Variants in PHF21A observed in about 807,000 individuals in gnomAD.
PHF21A encodes the protein PHD finger protein 21A, also known as BHC80a.
In PHF21A, 11 loss-of-function variants were observed where a neutral mutation model predicts 82.5. The ratio of observed to expected loss-of-function variants is 0.13; its 90% CI spans 0.08 to 0.22. PHF21A has a LOEUF of 0.22. PHF21A is among the 10% of genes least tolerant of loss of function. The pLI, the probability that PHF21A is intolerant of heterozygous loss-of-function variation, is 1.00. For missense variants in PHF21A, 579 were observed against 837.8 expected, an observed-to-expected ratio of 0.69 and a Z score of 3.81; for synonymous variants, 297 against 302.8, an observed-to-expected ratio of 0.98 and a Z score of 0.20.
At chr11:46,053,129 T>G (rs569727040) in intron 6 of PHF21A, among the ~76,000 whole-genome samples, 8 of 152,322 alleles carry the variant, frequency 5.3e-5, no homozygotes, top group Admixed American at 2.0e-4. Flanking sequence ...AAATTTGTAA[T>G]TAAATGTAAT....
intron 6 of PHF21A, among the ~76,000 whole-genome samples, chr11:46,000,240 T>A (rs1471040930): frequency 6.6e-6 from 1 of 152,170 alleles, no homozygotes; most frequent in Non-Finnish European, 1.5e-5. Flanking sequence ...GCAAACAAAT[T>A]ATTCACTTCT....
At chr11:46,079,244 T>TC in intron 4 of PHF21A, 78 bp from the exon 5 acceptor site, 1 of 1,009,324 alleles carries the variant, frequency 9.9e-7, no homozygotes, top group Non-Finnish European at 1.5e-6. Context: ...GACCAAAAAA[T>TC]CTAGGATTTT....
chr11:46,087,548 TTTTTC>T (rs3061961), intron 3 of PHF21A, among the ~76,000 whole-genome samples: 9,473 of 152,254 alleles, frequency 0.062, 1,373 homozygotes, highest in East Asian at 0.57. Flanking sequence ...TTTGAAATTC[TTTTTC>T]TTTTCTTCAG....
intron 6 of PHF21A, among the ~76,000 whole-genome samples, chr11:46,061,382 C>A (rs1164477495): frequency 1.3e-5 from 2 of 152,172 alleles, no homozygotes; most frequent in African/African-American, 4.8e-5. Flanking sequence ...AGCATTGAAT[C>A]TGTAAATTGC....
chr11:46,084,305 G>A lies in PHF21A; in HGVS notation c.-83-3C>T, dbSNP rs1009504556. On this transcript the variant is annotated splice_region_variant and splice_polypyrimidine_tract_variant and intron_variant, in intron 3 of 18. Coordinates refer to ENST00000676320, the MANE Select transcript of PHF21A (RefSeq NM_001352027.3). The stretch of plus-strand genomic sequence containing the variant: ...ACAAACTCCTCTTCTCACTGCAGCT[G>A]TAAAGATCATAAAATGTTTTGGATC... 4.5e-6 allele frequency: 4 copies of A among 891,874 alleles called. No individual in the cohort carries two copies. In the African/African-American group the frequency reaches 5.3e-5, roughly 12 times the overall value. 55.2% of individuals were successfully genotyped at this position (891,874 alleles called of 1,614,324 possible). A position where few individuals can be genotyped will look rare whatever the true frequency, so the allele number is the denominator to read the frequency against.
At chr11:45,990,023 G>C (rs957470508) in intron 6 of PHF21A, among the ~76,000 whole-genome samples, 1 of 151,928 alleles carries the variant, frequency 6.6e-6, no homozygotes, top group Non-Finnish European at 1.5e-5. Context: ...AAAAGAAAGA[G>C]AATTTTTTAA....
At chr11:46,027,749 G>C (rs1452846222) in intron 6 of PHF21A, among the ~76,000 whole-genome samples, 3 of 152,200 alleles carry the variant, frequency 2.0e-5, no homozygotes, top group Non-Finnish European at 4.4e-5. Flanking sequence ...CCAGGAATCA[G>C]TATTCAGGGG....
chr11:45,983,383 T>C (rs923410213), intron 6 of PHF21A, among the ~76,000 whole-genome samples: 1 of 152,106 alleles, frequency 6.6e-6, no homozygotes, highest in Admixed American at 6.5e-5. Flanking sequence ...CTTTAAAAGA[T>C]AGCGTTGGTA....
chr11:45,935,711 A>T lies in PHF21A; in HGVS notation c.1713T>A (p.Leu571=). Residue 571 remains leucine (L), a synonymous_variant, in exon 18 of 19, where the codon CTT becomes CTA. Coordinates refer to ENST00000676320, the MANE Select transcript of PHF21A (RefSeq NM_001352027.3). ...CTTGTTTTAAATCTGAACTCCATTT[A>T]AGTAACTTCTGTTTCTCTTCTTCTT... The part of the protein sequence containing the change: ...AAKEEEKQKL[L]KWSSDLKQER... 7.6e-7 allele frequency: 1 copy of T among 1,317,512 alleles called. No homozygotes were observed. The highest frequency in any genetic ancestry group is 1.1e-6 in the Non-Finnish European group (1 of 929,366). 81.6% of individuals were successfully genotyped at this position (1,317,512 alleles called of 1,614,324 possible).
chr11:46,016,630 A>G (rs1289860427), intron 6 of PHF21A, among the ~76,000 whole-genome samples: 1 of 152,114 alleles, frequency 6.6e-6, no homozygotes, highest in Admixed American at 6.5e-5. Flanking sequence ...CAACTTTAAA[A>G]TGGCACATGA....
At position 45,971,890 on chromosome 11, in the gene PHF21A, C is replaced by CTTTCTTTTTTTTT. The variant is rs57081937; in HGVS notation, c.361-524_361-523insAAAAAAAAAGAAA. 3.4e-4 allele frequency among the ~76,000 whole-genome samples: 17 copies of CTTTCTTTTTTTTT among 50,294 alleles called. 3 individuals are homozygous for CTTTCTTTTTTTTT. Among genetic ancestry groups the CTTTCTTTTTTTTT allele is most frequent in the African/African-American group, 6.3e-4 (10 of 15,890 alleles). 33.0% of individuals were successfully genotyped at this position (50,294 alleles called of 152,430 possible). Reference sequence around the variant, plus strand: ...GTAAAAGGACAGTGTCTTTTTCTTTCTTTTTTTTTTTTTTTATGGTGTCAC... The same window carrying CTTTCTTTTTTTTT: ...GTAAAAGGACAGTGTCTTTTTCTTTCTTTCTTTTTTTTTTTTTTTTTTTTTTTTATGGTGTCAC... On this transcript the variant is annotated intron_variant, in intron 7 of 18. Coordinates refer to ENST00000676320, the MANE Select transcript of PHF21A (RefSeq NM_001352027.3).
At chr11:46,077,811 T>C (rs1033017713) in intron 5 of PHF21A, among the ~76,000 whole-genome samples, 6 of 152,244 alleles carry the variant, frequency 3.9e-5, no homozygotes, top group African/African-American at 1.2e-4. Context: ...TAGTTTCTAG[T>C]AACATTTCAC....
rs767276410 is a variant in PHF21A, at chr11:45,953,629, G to A, written c.997-4C>T. 10 of 1,594,916 alleles carry A rather than the reference G, an allele frequency of 6.3e-6. No individual in the cohort carries two copies. The highest frequency in any genetic ancestry group is 8.6e-6 in the Non-Finnish European group (10 of 1,163,980). ...TTTCTGTGTGAGATTTAACTGTCTAGGAGAGAAAAATTAAATAAAAATTCA... is the reference window on the plus strand; with the variant it reads ...TTTCTGTGTGAGATTTAACTGTCTAAGAGAGAAAAATTAAATAAAAATTCA... On this transcript the variant is annotated splice_region_variant and splice_polypyrimidine_tract_variant and intron_variant, in intron 10 of 18. Coordinates refer to ENST00000676320, the MANE Select transcript of PHF21A (RefSeq NM_001352027.3).
chr11:46,047,124 A>T (rs1307081870), intron 6 of PHF21A, among the ~76,000 whole-genome samples: 1 of 152,234 alleles, frequency 6.6e-6, no homozygotes, highest in Non-Finnish European at 1.5e-5. Flanking sequence ...CAAATTAATG[A>T]GCAATTGGTA....
intron 18 of PHF21A, chr11:45,935,306 A>G: frequency 2.4e-6 from 3 of 1,262,438 alleles, no homozygotes; most frequent in Non-Finnish European, 3.1e-6. Flanking sequence ...GTGAGGCGCT[A>G]CACTCCCCCC....
At chr11:46,006,872 C>T (rs2095307228) in intron 6 of PHF21A, among the ~76,000 whole-genome samples, 1 of 152,106 alleles carries the variant, frequency 6.6e-6, no homozygotes, top group African/African-American at 2.4e-5. Flanking sequence ...TCAACAGGTA[C>T]TAACAATATG....
In PHF21A at chr11:45,935,817, C is replaced by T. The variant is rs1488718176; in HGVS notation, c.1685-78G>A. 1.4e-5 allele frequency: 10 copies of T among 735,310 alleles called. No individual in the cohort carries two copies. In the African/African-American group the frequency reaches 1.6e-4, roughly 12 times the overall value. The allele number at this position is 735,310 out of a possible 1,614,324, so 45.5% of individuals were successfully genotyped here. A position where few individuals can be genotyped will look rare whatever the true frequency, so the allele number is the denominator to read the frequency against. ...GAAATGTCCTCTGTGCTCAGAATGC[C>T]TGCCAAAGAAGGTATTTTCCCCAGA... On this transcript the variant is annotated intron_variant, in intron 17 of 18. Transcript: ENST00000676320.
At chr11:46,060,704 G>A (rs750327073) in intron 6 of PHF21A, among the ~76,000 whole-genome samples, 1 of 152,154 alleles carries the variant, frequency 6.6e-6, no homozygotes. Flanking sequence ...GTTCCATATA[G>A]ATGCTGGATA....
At chr11:45,987,774 C>T (rs2094548223) in intron 6 of PHF21A, among the ~76,000 whole-genome samples, 1 of 150,724 alleles carries the variant, frequency 6.6e-6, no homozygotes, top group East Asian at 2.0e-4. Flanking sequence ...AGCAAAACGT[C>T]TGTCCCTCTG....
Sources: allele counts gnomAD v4.1 joint callset (sites outside exome capture counted in the v4.1 genomes callset), GRCh38; gene constraint gnomAD v4.1.1; transcripts MANE v1.5; gene names NCBI Gene and HGNC (gene_info 2026-07-23, HGNC 2026-07-21).